The following WDR35 variants were observed in gnomAD, a reference collection of about 807,000 sequenced individuals.
The protein encoded by WDR35 is WD repeat-containing protein 35.
A neutral mutation model predicts 158.3 loss-of-function variants in WDR35; 118 were observed. The ratio of observed to expected loss-of-function variants is 0.75; its 90% CI spans 0.64 to 0.87. The LOEUF is 0.87. Among genes scored for constraint, WDR35 ranks in the 40% least tolerant of loss-of-function variants. The pLI is 0.00. For missense variants in WDR35, 1,263 were observed against 1,405.8 expected, an observed-to-expected ratio of 0.90 and a Z score of 1.62; for synonymous variants, 448 against 476.1, an observed-to-expected ratio of 0.94 and a Z score of 0.77.
intron 13 of WDR35, 62 bp downstream of exon 13, chr2:19,951,353 A>G (rs1671230048): frequency 7.4e-7 from 1 of 1,350,742 alleles, no homozygotes; most frequent in African/African-American, 1.5e-5. Context: ...GTTTCAAAAT[A>G]AAATTATAAT....
intron 12 of WDR35, among the ~76,000 whole-genome samples, chr2:19,953,505 T>C (rs1671316421): frequency 6.6e-6 from 1 of 152,178 alleles, no homozygotes; most frequent in Non-Finnish European, 1.5e-5. Flanking sequence ...AATAAACCCT[T>C]AGTTAGATCC....
At chr2:19,929,770 T>C (rs932758986) in intron 25 of WDR35, among the ~76,000 whole-genome samples, 1 of 152,118 alleles carries the variant, frequency 6.6e-6, no homozygotes, top group African/African-American at 2.4e-5. Flanking sequence ...AAAAGGAAGT[T>C]TACCCAAACC....
At chr2:19,935,676 A>C (rs1670671351) in intron 20 of WDR35, 73 bp from the exon 21 acceptor site, 1 of 1,535,448 alleles carries the variant, frequency 6.5e-7, no homozygotes, top group African/African-American at 1.4e-5. Context: ...TTCAACCAAA[A>C]TGTTCCTTCA....
intron 20 of WDR35, among the ~76,000 whole-genome samples, chr2:19,935,806 T>C (rs1208259698): frequency 6.6e-6 from 1 of 152,098 alleles, no homozygotes; most frequent in African/African-American, 2.4e-5. Flanking sequence ...TTGACTATTC[T>C]TAAGAAATAC....
intron 25 of WDR35, among the ~76,000 whole-genome samples, chr2:19,921,192 G>C (rs1027870311): frequency 6.6e-6 from 1 of 152,110 alleles, no homozygotes; most frequent in Non-Finnish European, 1.5e-5. Context: ...TCCCAATCAA[G>C]CTACCATTGA....
chr2:19,973,762 A>C, intron 7 of WDR35, 54 bp from the exon 8 acceptor site: 1 of 1,569,076 alleles, frequency 6.4e-7, no homozygotes, highest in Non-Finnish European at 8.7e-7. Context: ...AGCCTAGAGA[A>C]CTTTATAATC....
At chr2:19,976,055 C>G (rs1672199803) in intron 5 of WDR35, among the ~76,000 whole-genome samples, 1 of 152,218 alleles carries the variant, frequency 6.6e-6, no homozygotes. Flanking sequence ...GGTATTTCCC[C>G]AGTCAGTCCC....
intron 2 of WDR35, 42 bp downstream of exon 2, chr2:19,989,123 T>C (rs777478020): frequency 6.4e-7 from 1 of 1,560,910 alleles, no homozygotes; most frequent in Admixed American, 1.7e-5. Flanking sequence ...CAAATAACAT[T>C]AGCCAATTTA....
intron 7 of WDR35, 53 bp downstream of exon 7, chr2:19,974,415 A>C (rs969686557): frequency 3.3e-6 from 2 of 600,016 alleles, no homozygotes; most frequent in Non-Finnish European, 4.7e-6. Context: ...TCTCAAAAAG[A>C]AAAAAAAAAA....
rs149988243 is a variant in WDR35, at chr2:19,958,301, AG to A, written c.1255+2252del. Among the ~76,000 whole-genome samples, 485 of 152,320 alleles carry A rather than the reference AG, an allele frequency of 3.2e-3. 5 individuals are homozygous for A. Among genetic ancestry groups the A allele is most frequent in the African/African-American group, 0.011 (466 of 41,570 alleles). On this transcript the variant is annotated intron_variant, in intron 11 of 26. Coordinates refer to ENST00000281405, the MANE Select transcript of WDR35 (RefSeq NM_020779.4). Reference sequence around the variant, plus strand: ...TTTCTTTCCTTGAAATATCACCTAAAGAAATACTTACTTTTCAAAACTCAGC... The same window carrying A: ...TTTCTTTCCTTGAAATATCACCTAAAAAATACTTACTTTTCAAAACTCAGC...
intron 8 of WDR35, 141 bp from the exon 9 acceptor site, chr2:19,969,746 G>GA: frequency 1.2e-6 from 1 of 810,848 alleles, no homozygotes; most frequent in Non-Finnish European, 1.8e-6. Context: ...CATGTTTCTT[G>GA]AATTTTTTTT....
At chr2:19,972,700 C>T (rs866336646) in intron 8 of WDR35, among the ~76,000 whole-genome samples, 10 of 151,626 alleles carry the variant, frequency 6.6e-5, no homozygotes, top group African/African-American at 1.9e-4. Context: ...ATTTCTTGCC[C>T]TAAAAGAAAT....
chr2:19,945,538 C>T (rs953315898), intron 16 of WDR35, among the ~76,000 whole-genome samples: 13 of 152,136 alleles, frequency 8.5e-5, no homozygotes, highest in Non-Finnish European at 1.2e-4. Context: ...TTAAAAAGAA[C>T]AGATAAATAA....
At chr2:19,961,668 C>T (rs1455641498) in intron 10 of WDR35, among the ~76,000 whole-genome samples, 1 of 152,148 alleles carries the variant, frequency 6.6e-6, no homozygotes, top group Non-Finnish European at 1.5e-5. Context: ...AAAAGCAGAC[C>T]GCCAAGAGCA....
rs557004973 is a variant in WDR35 at position 19,934,122 on chromosome 2, C to CA, written c.2548-612dup. ...GCTGCACTGGCCATTTTCAGAACAT[C>CA]ATTTTTTTTCTTTCAGAATATCTAA... On this transcript the variant is annotated intron_variant, in intron 21 of 26. Transcript: ENST00000281405. The surrounding 1 kb of genome is among the most constrained non-coding windows in gnomAD (Gnocchi z 4.6). 2.0e-3 allele frequency among the ~76,000 whole-genome samples: 288 copies of CA among 144,096 alleles called. No homozygotes were observed. Among genetic ancestry groups the CA allele is most frequent in the Non-Finnish European group, 3.6e-3 (241 of 66,406 alleles). The allele number at this position is 144,096 out of a possible 152,430, so 94.5% of individuals were successfully genotyped here.
intron 12 of WDR35, 162 bp from the exon 13 acceptor site, chr2:19,951,646 TAA>T: frequency 5.3e-6 from 3 of 561,804 alleles, no homozygotes; most frequent in Non-Finnish European, 9.1e-6. Flanking sequence ...TTAATGAAGA[TAA>T]AAATTATCTA....
chr2:19,947,370 T>A (rs1249046841), intron 14 of WDR35, among the ~76,000 whole-genome samples: 1 of 152,186 alleles, frequency 6.6e-6, no homozygotes, highest in East Asian at 1.9e-4. Flanking sequence ...TCTTAAGATT[T>A]TTCCCCCCAT....
chr2:19,935,721 T>C, intron 20 of WDR35, 118 bp from the exon 21 acceptor site: 1 of 1,185,996 alleles, frequency 8.4e-7, no homozygotes, highest in Non-Finnish European at 1.2e-6. Flanking sequence ...CTGTTCATTA[T>C]CTTCAGCTTC....
intron 11 of WDR35, among the ~76,000 whole-genome samples, chr2:19,959,897 G>C (rs1671579500): frequency 6.6e-6 from 1 of 151,942 alleles, no homozygotes; most frequent in Non-Finnish European, 1.5e-5. Flanking sequence ...ACAGTGAAAT[G>C]GCAACAAAAT....
Sources: allele counts gnomAD v4.1 joint callset (sites outside exome capture counted in the v4.1 genomes callset), GRCh38; gene constraint gnomAD v4.1.1; non-coding constraint Gnocchi (gnomAD v3.1); transcripts MANE v1.5; gene names NCBI Gene and HGNC (gene_info 2026-07-23, HGNC 2026-07-21).